RABGAP1L: variants seen among roughly 807,000 people sequenced by gnomAD.
RABGAP1L encodes the protein RAB GTPase activating protein 1 like, also known as rab GTPase-activating protein 1-like.
Under a neutral mutation model 137.7 loss-of-function variants are expected in RABGAP1L, and 63 were observed. The ratio of observed to expected loss-of-function variants is 0.46; its 90% confidence interval spans 0.37 to 0.56. RABGAP1L has a LOEUF of 0.56. Among genes scored for constraint, RABGAP1L ranks in the 20% least tolerant of loss-of-function variants. RABGAP1L has a pLI of 0.00. For missense variants in RABGAP1L, 1,095 were observed against 1,244.0 expected (o/e 0.88, Z 1.80); for synonymous variants, 431 against 433.7 (o/e 0.99, Z 0.08).
intron 13 of RABGAP1L, among the ~76,000 whole-genome samples, chr1:174,472,373 T>G (rs1658041186): frequency 6.6e-6 from 1 of 152,228 alleles, no homozygotes; most frequent in East Asian, 1.9e-4. Context: ...GTATATTATC[T>G]GTATTTCCCA....
At chr1:174,179,755 C>T (rs1234735717) in intron 1 of RABGAP1L, among the ~76,000 whole-genome samples, 4 of 152,166 alleles carry the variant, frequency 2.6e-5, no homozygotes, top group Admixed American at 2.6e-4. Flanking sequence ...TTGCTCTGAC[C>T]TTATGAACTC....
At chr1:174,672,451 CTTTCCA>C (rs1677257763) in intron 14 of RABGAP1L, among the ~76,000 whole-genome samples, 1 of 151,242 alleles carries the variant, frequency 6.6e-6, no homozygotes, top group African/African-American at 2.4e-5. Flanking sequence ...TTTGTTTTTA[CTTTCCA>C]TTCCATTTAT....
rs368077720 is a variant in RABGAP1L at position 174,949,476 on chromosome 1, G to C, written c.2341-7981G>C. Among the ~76,000 whole-genome samples, 58 of 152,270 alleles carry C rather than the reference G, an allele frequency of 3.8e-4. No homozygotes were observed. In the East Asian group the frequency reaches 9.8e-3, roughly 26 times the overall value. On this transcript the variant is annotated intron_variant, in intron 19 of 25. Coordinates refer to ENST00000681986, the MANE Select transcript of RABGAP1L (RefSeq NM_001366446.1). ...TGATGGATTGCCTGAGCATTGGTTG[G>C]GGGAGCAGACAATGGTGACTTGTGG...
rs572747312 is a variant in RABGAP1L at position 174,580,644 on chromosome 1, G to T, written c.1711-56731G>T. ...GGGGCCTGCTGTGGGGTGGGAGGAG[G>T]GGGGAGGGATAGCATTAGGAGATAT... On this transcript the variant is annotated intron_variant, in intron 13 of 25. Transcript: ENST00000681986. 5.9e-5 allele frequency among the ~76,000 whole-genome samples: 9 copies of T among 152,216 alleles called. No individual in the cohort carries two copies. The South Asian group carries it at 8.3e-4, about 14-fold the overall frequency.
At chr1:174,214,690 A>G (rs557141856) in intron 1 of RABGAP1L, among the ~76,000 whole-genome samples, 26 of 152,328 alleles carry the variant, frequency 1.7e-4, no homozygotes, top group East Asian at 7.7e-4. Context: ...CTGTACATCT[A>G]TGGTGAACTC....
intron 19 of RABGAP1L, among the ~76,000 whole-genome samples, chr1:174,854,135 C>T (rs190411878): frequency 6.6e-6 from 1 of 152,248 alleles, no homozygotes; most frequent in East Asian, 1.9e-4. Flanking sequence ...CTAATTTGGG[C>T]CTCTGCAGCT....
rs1242921522 is a variant in RABGAP1L, at chr1:174,357,417, A to T, written c.1466-13562A>T. On this transcript the variant is annotated intron_variant, in intron 11 of 25. Transcript: ENST00000681986. ...CCAAAAATAAAGCACTAATAAAAAA[A>T]TTCTTTTATTTATTTCACATTCGAG... Among the ~76,000 whole-genome samples the T allele has an allele frequency of 2.0e-5, 3 of 152,226 alleles. No individual in the cohort carries two copies. The East Asian group carries it at 5.8e-4, about 29-fold the overall frequency.
At chr1:174,628,313 C>A (rs1308079987) in intron 13 of RABGAP1L, among the ~76,000 whole-genome samples, 1 of 152,086 alleles carries the variant, frequency 6.6e-6, no homozygotes, top group Non-Finnish European at 1.5e-5. Context: ...GTTTCATAAT[C>A]ATAATGTAAC....
chr1:174,395,086 T>C (rs1167486616), intron 13 of RABGAP1L, among the ~76,000 whole-genome samples: 3 of 152,066 alleles, frequency 2.0e-5, no homozygotes, highest in African/African-American at 7.2e-5. Flanking sequence ...CACCAAAGGA[T>C]ACTAAGCTGT....
intron 13 of RABGAP1L, among the ~76,000 whole-genome samples, chr1:174,514,390 G>A (rs1662626377): frequency 6.6e-6 from 1 of 152,076 alleles, no homozygotes; most frequent in South Asian, 2.1e-4. Context: ...TAGAACAGCA[G>A]CCATAGACTA....
intron 19 of RABGAP1L, among the ~76,000 whole-genome samples, chr1:174,828,433 A>T (rs1430770727): frequency 6.8e-6 from 1 of 147,904 alleles, no homozygotes; most frequent in Non-Finnish European, 1.5e-5. Flanking sequence ...CCAATATGCC[A>T]TGGCCTTGTC....
intron 20 of RABGAP1L, among the ~76,000 whole-genome samples, chr1:174,961,072 C>CT: frequency 6.6e-6 from 1 of 152,226 alleles, no homozygotes; most frequent in Admixed American, 6.5e-5. Flanking sequence ...AGAAAGGAAA[C>CT]TTTTTTGAAA....
At chr1:174,263,687 CA>C (rs1458579390) in intron 7 of RABGAP1L, among the ~76,000 whole-genome samples, 1 of 151,766 alleles carries the variant, frequency 6.6e-6, no homozygotes, top group East Asian at 1.9e-4. Flanking sequence ...AGAAACCCTG[CA>C]AAGTAGATTA....
intron 19 of RABGAP1L, among the ~76,000 whole-genome samples, chr1:174,932,713 A>T (rs902542421): frequency 2.6e-5 from 4 of 152,182 alleles, no homozygotes; most frequent in African/African-American, 9.7e-5. Flanking sequence ...TTATATATAG[A>T]ATCATGATTT....
chr1:174,764,904 C>T (rs753306764), intron 18 of RABGAP1L, among the ~76,000 whole-genome samples: 10 of 152,238 alleles, frequency 6.6e-5, no homozygotes, highest in Non-Finnish European at 1.2e-4. Context: ...CTGCCTCCCA[C>T]AGCCCCTGAT....
At chr1:174,315,333 A>T (rs1271809037) in intron 11 of RABGAP1L, among the ~76,000 whole-genome samples, 1 of 151,742 alleles carries the variant, frequency 6.6e-6, no homozygotes, top group Non-Finnish European at 1.5e-5. Flanking sequence ...TTCTTGTTTC[A>T]GTTGGCATGG....
At chr1:174,723,834 C>T (rs1681775983) in intron 17 of RABGAP1L, among the ~76,000 whole-genome samples, 1 of 152,100 alleles carries the variant, frequency 6.6e-6, no homozygotes, top group Non-Finnish European at 1.5e-5. Context: ...AGGGGTTTGT[C>T]ATACCATAAT....
At chr1:174,849,895 CTT>C (rs1647956934) in intron 19 of RABGAP1L, 2 of 590,126 alleles carry the variant, frequency 3.4e-6, no homozygotes, top group Non-Finnish European at 6.6e-6. Flanking sequence ...AATCTGAATT[CTT>C]TCAGCTCTTG....
intron 19 of RABGAP1L, among the ~76,000 whole-genome samples, chr1:174,868,542 T>C (rs1256755116): frequency 6.6e-6 from 1 of 152,162 alleles, no homozygotes; most frequent in Non-Finnish European, 1.5e-5. Context: ...TGACTCAAGA[T>C]AAAAATGAAC....
Sources: gnomAD v4.1 joint callset for allele counts (sites outside exome capture counted in the v4.1 genomes callset) on GRCh38, gnomAD v4.1.1 for gene constraint, MANE v1.5 for transcripts, NCBI Gene and HGNC (gene_info 2026-07-23, HGNC 2026-07-21) for gene names.